The following WDHD1 variants were observed in gnomAD, a reference collection of about 807,000 sequenced individuals.
WDHD1 encodes the protein WD repeat and HMG-box DNA-binding protein 1.
In WDHD1, 111 loss-of-function variants were observed where a neutral mutation model predicts 135.4. The observed-to-expected ratio is 0.82, with a 90% CI of 0.70 to 0.96. The LOEUF is 0.96. WDHD1 is among the 40% of genes least tolerant of loss of function. WDHD1 has a pLI of 0.00. For missense variants in WDHD1, 1,351 were observed against 1,336.3 expected (o/e 1.01, Z -0.17); for synonymous variants, 434 against 439.0 (o/e 0.99, Z 0.14).
rs768807330 is a variant in WDHD1 at position 54,963,189 on chromosome 14, G to C, written c.2311-17C>G. 1,823 of 966,466 alleles carry C rather than the reference G, an allele frequency of 1.9e-3. 137 individuals are homozygous for C. In the African/African-American group the frequency reaches 0.026, roughly 14 times the overall value. The allele number at this position is 966,466 out of a possible 1,614,324, so 59.9% of individuals were successfully genotyped here. On this transcript the variant is annotated splice_polypyrimidine_tract_variant and intron_variant, in intron 18 of 25. Coordinates refer to ENST00000360586, the MANE Select transcript of WDHD1 (RefSeq NM_007086.4). ...ACAAGAAAGCTAATCCAAAAAGGGG[G>C]GGGGGGGGGAGATCAAATAACATCA...
intron 2 of WDHD1, among the ~76,000 whole-genome samples, chr14:55,024,412 C>T (rs545487767): frequency 6.6e-6 from 1 of 152,304 alleles, no homozygotes; most frequent in African/African-American, 2.4e-5. Context: ...TAGACGTTAT[C>T]CCTGTTGCCT....
At chr14:55,013,644 G>A (rs745651196) in intron 2 of WDHD1, 48 bp from the exon 3 acceptor site, 2 of 1,424,540 alleles carry the variant, frequency 1.4e-6, no homozygotes, top group East Asian at 4.6e-5. Context: ...GGTGTCTCAT[G>A]CCTATAATGC....
At chr14:55,007,235 AAAAAAAAAAAAAAAG>A (rs2042087673) in intron 7 of WDHD1, 30 bp downstream of exon 7, 1 of 1,339,566 alleles carries the variant, frequency 7.5e-7, no homozygotes, top group Admixed American at 2.3e-5. Context: ...CTCTAATAAA[AAAAAAAAAAAAAAAG>A]AAAAGAAAAG....
At chr14:54,987,020 CATTTAA>C (rs1241491254) in intron 14 of WDHD1, 120 bp downstream of exon 14, 19 of 1,124,890 alleles carry the variant, frequency 1.7e-5, no homozygotes, top group Non-Finnish European at 2.3e-5. Context: ...AAATTATCTA[CATTTAA>C]AGATTACACG....
At chr14:54,966,932 T>C (rs986347266) in intron 17 of WDHD1, among the ~76,000 whole-genome samples, 10 of 152,232 alleles carry the variant, frequency 6.6e-5, no homozygotes, top group African/African-American at 2.4e-4. Flanking sequence ...TTCAAATGAC[T>C]TTTGATGACA....
chr14:54,985,757 G>GA (rs958965396), intron 14 of WDHD1, among the ~76,000 whole-genome samples: 1 of 152,168 alleles, frequency 6.6e-6, no homozygotes, highest in African/African-American at 2.4e-5. Context: ...CAGAAGAAAT[G>GA]AAAAGAGACA....
At chr14:54,941,838 C>G in intron 25 of WDHD1, 148 bp from the exon 26 acceptor site, 1 of 663,890 alleles carries the variant, frequency 1.5e-6, no homozygotes, top group East Asian at 2.8e-5. Context: ...GTTAACAAAT[C>G]TTTTATTACT....
rs1026075996 is a variant in WDHD1, at chr14:55,005,241, T to C, written c.600+2039A>G. On this transcript the variant is annotated intron_variant, in intron 7 of 25. Transcript: ENST00000360586. ...TCCACATAGCACAGAGGAAAATCTG[T>C]GTGACACAGAGCAATGGTAGGTACG... is the stretch of plus-strand genomic sequence containing the variant. The C allele has an allele frequency of 2.6e-5, 14 of 539,724 alleles. No homozygotes were observed. In the African/African-American group the frequency reaches 2.7e-4, roughly 10 times the overall value. The allele number at this position is 539,724 out of a possible 1,614,324, so 33.4% of individuals were successfully genotyped here.
At chr14:54,978,466 T>A (rs566851344) in intron 16 of WDHD1, among the ~76,000 whole-genome samples, 2 of 152,182 alleles carry the variant, frequency 1.3e-5, no homozygotes, top group Admixed American at 1.3e-4. Context: ...GTGCCTGTAG[T>A]TCTACCTACT....
intron 2 of WDHD1, among the ~76,000 whole-genome samples, chr14:55,016,416 G>A (rs908141402): frequency 6.6e-6 from 1 of 152,112 alleles, no homozygotes; most frequent in East Asian, 1.9e-4. Flanking sequence ...CATTTACCAC[G>A]GGGCTACAGT....
At chr14:54,957,498 T>A in intron 22 of WDHD1, 94 bp downstream of exon 22, 1 of 1,185,662 alleles carries the variant, frequency 8.4e-7, no homozygotes, top group African/African-American at 1.6e-5. Flanking sequence ...CTTTCATGCC[T>A]CCAAGTCTGG....
At chr14:54,948,508 C>T (rs1485459774) in intron 24 of WDHD1, among the ~76,000 whole-genome samples, 3 of 152,126 alleles carry the variant, frequency 2.0e-5, no homozygotes, top group Non-Finnish European at 4.4e-5. Flanking sequence ...CCAGGAAACT[C>T]GAACTGGGTG....
chr14:54,999,191 A>T lies in WDHD1; in HGVS notation c.942+1312T>A, dbSNP rs147030245. ...AGTGAGATGATCATTTCAACATTCA[A>T]GTATCTAATCTTTCATTTAATCCTC... On this transcript the variant is annotated intron_variant, in intron 10 of 25. Transcript: ENST00000360586. Among the ~76,000 whole-genome samples, 16 of 152,358 alleles carry T rather than the reference A, an allele frequency of 1.1e-4. No homozygotes were observed. The East Asian group carries it at 3.1e-3, about 29-fold the overall frequency.
At chr14:54,989,285 C>A in intron 12 of WDHD1, 73 bp from the exon 13 acceptor site, 1 of 1,008,370 alleles carries the variant, frequency 9.9e-7, no homozygotes, top group Non-Finnish European at 1.4e-6. Context: ...CACAGTAGTA[C>A]AAATTAACAA....
chr14:54,976,884 A>G (rs878944), intron 16 of WDHD1, among the ~76,000 whole-genome samples: 51,096 of 152,014 alleles, frequency 0.34, 10,947 homozygotes, highest in African/African-American at 0.61. Context: ...AATTTATCAC[A>G]TAATATACAA....
In WDHD1 at chr14:54,974,573, T is replaced by A. The variant is rs553357522; in HGVS notation, c.2063+6967A>T. Among the ~76,000 whole-genome samples, 66 of 151,570 alleles carry A rather than the reference T, an allele frequency of 4.4e-4. 1 individual carries two copies. In the South Asian group the frequency reaches 0.012, roughly 28 times the overall value. Reference sequence around the variant, plus strand: ...GGCGTGGTGGCTCACTCCTGTAATATCCCAGCACTTTGGGAGCCAAGGCCG... The same window carrying A: ...GGCGTGGTGGCTCACTCCTGTAATAACCCAGCACTTTGGGAGCCAAGGCCG... On this transcript the variant is annotated intron_variant, in intron 16 of 25. Transcript: ENST00000360586.
chr14:55,022,243 C>T (rs1226708420), intron 2 of WDHD1, among the ~76,000 whole-genome samples: 1 of 152,166 alleles, frequency 6.6e-6, no homozygotes, highest in Admixed American at 6.5e-5. Flanking sequence ...TTGTCTAGGT[C>T]TTTTTGTTAT....
intron 16 of WDHD1, among the ~76,000 whole-genome samples, chr14:54,972,553 CAAAAAAAAAAAAAAAA>C (rs71410642): frequency 3.7e-3 from 94 of 25,500 alleles, no homozygotes; most frequent in East Asian, 0.016. Context: ...AAGACTGTCA[CAAAAAAAAAAAAAAAA>C]AAAAAAAAAA....
intron 16 of WDHD1, among the ~76,000 whole-genome samples, chr14:54,975,308 G>A (rs1284987849): frequency 2.0e-5 from 3 of 151,996 alleles, no homozygotes; most frequent in Non-Finnish European, 4.4e-5. Flanking sequence ...CTCAAAGGGG[G>A]CAGGGATGAC....
Sources: allele counts gnomAD v4.1 joint callset (sites outside exome capture counted in the v4.1 genomes callset), GRCh38; gene constraint gnomAD v4.1.1; transcripts MANE v1.5; gene names NCBI Gene and HGNC (gene_info 2026-07-23, HGNC 2026-07-21).